MME: variants seen among roughly 807,000 people sequenced by gnomAD.
MME encodes membrane metalloendopeptidase.
A neutral mutation model predicts 113.2 loss-of-function variants in MME; 98 were observed. The observed-to-expected ratio is 0.87, with a 90% CI of 0.74 to 1.02. MME has a LOEUF of 1.02. MME is among the 50% of genes least tolerant of loss of function. The pLI, the probability that MME is intolerant of heterozygous loss-of-function variation, is 0.00. For synonymous variants in MME, 292 were observed against 300.6 expected (o/e 0.97, Z 0.30); for missense variants, 836 against 896.0 (o/e 0.93, Z 0.86).
At chr3:155,051,220 A>T (rs1298258407) in intron 1 of MME, among the ~76,000 whole-genome samples, 2 of 152,206 alleles carry the variant, frequency 1.3e-5, no homozygotes, top group Non-Finnish European at 2.9e-5. Context: ...TGTGTAACTC[A>T]ATAATCAGAT....
chr3:155,061,588 A>G lies in MME; in HGVS notation c.-10-22570A>G, dbSNP rs142012935. On this transcript the variant is annotated intron_variant, in intron 1 of 22. Transcript: ENST00000492661. ...TTTGTTATTGATGTATAGAAATAAA[A>G]TTAATTTTTTGGTGACTTTGTATAA... Among the ~76,000 whole-genome samples, 324 of 152,154 alleles carry G rather than the reference A, an allele frequency of 2.1e-3. 2 individuals are homozygous for G. Among genetic ancestry groups the G allele is most frequent in the African/African-American group, 7.5e-3 (313 of 41,496 alleles).
chr3:155,160,569 T>C (rs993407912), intron 17 of MME, 121 bp downstream of exon 17: 24 of 699,286 alleles, frequency 3.4e-5, no homozygotes, highest in Middle Eastern at 4.0e-4. Context: ...ATTGCTCTAT[T>C]GAATGCATTT....
In MME at chr3:155,034,729, T is replaced by A. The variant is rs375072932; in HGVS notation, c.-11+10405T>A. Among the ~76,000 whole-genome samples, 19 of 152,342 alleles carry A rather than the reference T, an allele frequency of 1.2e-4. No homozygotes were observed. The East Asian group carries it at 1.7e-3, about 14-fold the overall frequency. On this transcript the variant is annotated intron_variant, in intron 1 of 22. Coordinates refer to the MME transcript ENST00000492661. The stretch of plus-strand genomic sequence containing the variant: ...TACTCGATATACTCACTGCCTCTTC[T>A]GCCCCTTCCTAACAAAACTGGAAGA...
Position 155,061,179 on chromosome 3 carries a change from G to A in MME, c.-10-22979G>A, listed in dbSNP as rs137916450. Among the ~76,000 whole-genome samples, 826 of 152,248 alleles carry A rather than the reference G, an allele frequency of 5.4e-3. 3 individuals are homozygous for A. The highest frequency in any genetic ancestry group is 0.018 in the African/African-American group (766 of 41,544). On this transcript the variant is annotated intron_variant, in intron 1 of 22. Transcript: ENST00000492661. The stretch of plus-strand genomic sequence containing the variant: ...AAATTAAAAGTATCGCCGGGCGGGC[G>A]CGGTGGCTCACGCCTGTAATCCCAG...
chr3:155,063,675 A>G (rs1714271476), intron 1 of MME, among the ~76,000 whole-genome samples: 1 of 122,580 alleles, frequency 8.2e-6, no homozygotes, highest in Admixed American at 9.7e-5. Flanking sequence ...ATTATATATT[A>G]TATTATATTA....
chr3:155,060,078 T>C (rs1162538832), intron 1 of MME, among the ~76,000 whole-genome samples: 2 of 152,166 alleles, frequency 1.3e-5, no homozygotes, highest in Non-Finnish European at 2.9e-5. Context: ...TTAAAATTAC[T>C]TTGGCCTACT....
chr3:155,160,210 T>G (rs1187998703), intron 16 of MME, among the ~76,000 whole-genome samples, 180 bp from the exon 17 acceptor site: 3 of 152,110 alleles, frequency 2.0e-5, no homozygotes, highest in African/African-American at 7.2e-5. Flanking sequence ...CTGATGTTTT[T>G]CAAGAAATAG....
intron 1 of MME, among the ~76,000 whole-genome samples, chr3:155,064,058 A>C (rs1436864027): frequency 6.6e-6 from 1 of 152,102 alleles, no homozygotes; most frequent in Admixed American, 6.6e-5. Flanking sequence ...TGGGAGGCCG[A>C]GGTGAGTGGA....
chr3:155,084,110 C>CT, intron 1 of MME, 48 bp from the exon 2 acceptor site: 9 of 1,442,304 alleles, frequency 6.2e-6, no homozygotes, highest in Non-Finnish European at 8.8e-6. Flanking sequence ...TGGACATTTT[C>CT]TTTTTTATTT....
In MME at chr3:155,160,336, G is replaced by A. The variant is rs982876189; in HGVS notation, c.1602-54G>A. On this transcript the variant is annotated intron_variant, in intron 16 of 22. Transcript: ENST00000360490. The stretch of plus-strand genomic sequence containing the variant: ...TAATAATGCTTTAATTGTGTGAGTG[G>A]GTTGAATCAGATAATGCAGTATCAT... 3.5e-6 allele frequency: 4 copies of A among 1,144,244 alleles called. No individual in the cohort carries two copies. The African/African-American group carries it at 6.1e-5, about 17-fold the overall frequency. The allele number at this position is 1,144,244 out of a possible 1,614,324, so 70.9% of individuals were successfully genotyped here.
At position 155,147,289 on chromosome 3, in the gene MME, G is replaced by A. The variant is rs1342634890; in HGVS notation, c.1497+65G>A. The stretch of plus-strand genomic sequence containing the variant: ...AGGGCTGGTAGTAGTGTCATTTTTA[G>A]CTATGGGGTGCCTGAAATTATATGA... On this transcript the variant is annotated intron_variant, in intron 15 of 22. Coordinates refer to ENST00000360490, the MANE Select transcript of MME (RefSeq NM_007289.4). 4 of 990,692 alleles carry A rather than the reference G, an allele frequency of 4.0e-6. No individual in the cohort carries two copies. The Admixed American group carries it at 6.8e-5, about 17-fold the overall frequency. 61.4% of individuals were successfully genotyped at this position (990,692 alleles called of 1,614,324 possible). A position where few individuals can be genotyped will look rare whatever the true frequency, so the allele number is the denominator to read the frequency against.
At position 155,140,567 on chromosome 3, in the gene MME, C is replaced by T. The variant is rs565189898; in HGVS notation, c.957+275C>T. 3.9e-3 allele frequency among the ~76,000 whole-genome samples: 594 copies of T among 152,010 alleles called. 6 individuals are homozygous for T. The highest frequency in any genetic ancestry group is 0.014 in the African/African-American group (569 of 41,478). On this transcript the variant is annotated intron_variant, in intron 10 of 22. Transcript: ENST00000360490. ...AAGTAGCTGGGACTACAGGCATGCA[C>T]CACCACACCTGGCTAATTCTTGTAT...
rs1251669527 is a variant in MME at position 155,183,144 on chromosome 3, TGGATTGTAGGTGCAAGATGGAAA to T, written c.*2702_*2724del. ...CTGCCTCCATGCTGCAGTGTTCGAG[TGGATTGTAGGTGCAAGATGGAAA>T]GGATTGTAGGTGCAAGCTGTCCAGA... On this transcript the variant is annotated 3_prime_UTR_variant, in exon 23 of 23. Coordinates refer to ENST00000360490, the MANE Select transcript of MME (RefSeq NM_007289.4). The T allele has an allele frequency of 6.6e-6, 1 of 151,952 alleles. No individual in the cohort carries two copies. Among genetic ancestry groups the T allele is most frequent in the African/African-American group, 2.4e-5 (1 of 41,342 alleles). 9.4% of individuals were successfully genotyped at this position (151,952 alleles called of 1,614,324 possible).
intron 1 of MME, among the ~76,000 whole-genome samples, chr3:155,036,023 G>A (rs58662380): frequency 0.053 from 8,082 of 152,138 alleles, 631 homozygotes; most frequent in African/African-American, 0.17. Context: ...TGGTGGAGGT[G>A]ATGAGAAGGG....
upstream of MME, among the ~76,000 whole-genome samples, chr3:155,078,553 G>A (rs1403961933): frequency 2.0e-5 from 3 of 151,940 alleles, no homozygotes; most frequent in Non-Finnish European, 4.4e-5. Context: ...TTAGCACAAG[G>A]GGACTCTTCT....
chr3:155,074,625 T>G (rs1217437940), intron 1 of MME, among the ~76,000 whole-genome samples: 1 of 151,736 alleles, frequency 6.6e-6, no homozygotes, highest in Non-Finnish European at 1.5e-5. Context: ...AGAGGGGAGG[T>G]TTCTCCATGT....
At chr3:155,125,027 G>A (rs1352204016) in intron 8 of MME, among the ~76,000 whole-genome samples, 5 of 151,518 alleles carry the variant, frequency 3.3e-5, no homozygotes, top group South Asian at 2.1e-4. Flanking sequence ...CCTCGCTGCC[G>A]CCTTGCAGTT....
intron 2 of MME, 82 bp from the exon 3 acceptor site, chr3:155,084,977 C>A: frequency 1.1e-6 from 1 of 887,582 alleles, no homozygotes; most frequent in East Asian, 2.7e-5. Flanking sequence ...ATTTAATTGG[C>A]AGTTTTTAAA....
intron 3 of MME, among the ~76,000 whole-genome samples, chr3:155,114,357 A>G (rs61763245): frequency 1.3e-5 from 2 of 152,162 alleles, no homozygotes. Flanking sequence ...TTGCATTTTC[A>G]TCATAGTCCT....
Sources: allele counts gnomAD v4.1 joint callset (sites outside exome capture counted in the v4.1 genomes callset), GRCh38; gene constraint gnomAD v4.1.1; transcripts MANE v1.5; gene names NCBI Gene and HGNC (gene_info 2026-07-23, HGNC 2026-07-21).